ALKBH3: variants seen among roughly 807,000 people sequenced by gnomAD.
ALKBH3 encodes the protein alkB homolog 3, alpha-ketoglutarate dependent dioxygenase, also known as alpha-ketoglutarate-dependent dioxygenase alkB homolog 3.
In ALKBH3, 51 loss-of-function variants were observed where a neutral mutation model predicts 43.9. The ratio of observed to expected loss-of-function variants is 1.16; its 90% CI spans 0.93 to 1.47. The LOEUF (loss-of-function observed/expected upper bound fraction) is 1.47, where lower values mean the gene tolerates loss of function less well. Among genes scored for constraint, ALKBH3 ranks in the 40% most tolerant of loss-of-function variants. The pLI is 0.00. For missense variants in ALKBH3, 361 were observed against 351.9 expected (o/e 1.03, Z -0.21); for synonymous variants, 102 against 115.2 (o/e 0.89, Z 0.73).
chr11:43,884,549 A>G (rs1951734924), intron 4 of ALKBH3, among the ~76,000 whole-genome samples: 1 of 152,130 alleles, frequency 6.6e-6, no homozygotes, highest in Non-Finnish European at 1.5e-5. Context: ...TTGGTGAGAG[A>G]TGCTTTGACT....
intron 4 of ALKBH3, among the ~76,000 whole-genome samples, chr11:43,885,213 C>T (rs1448562668): frequency 6.6e-6 from 1 of 152,120 alleles, no homozygotes; most frequent in African/African-American, 2.4e-5. Context: ...CTACTTGGTC[C>T]TAGAATCTGT....
chr11:43,889,570 G>T (rs1048449149), intron 5 of ALKBH3, among the ~76,000 whole-genome samples, 155 bp from the exon 6 acceptor site: 3 of 152,170 alleles, frequency 2.0e-5, no homozygotes, highest in Non-Finnish European at 4.4e-5. Context: ...CTCATGACCT[G>T]GGTGATGTTA....
chr11:43,887,998 C>T (rs981733504), intron 5 of ALKBH3, among the ~76,000 whole-genome samples: 2 of 151,686 alleles, frequency 1.3e-5, no homozygotes, highest in South Asian at 2.1e-4. Flanking sequence ...GAGGTTTCAC[C>T]GTGTTATTCA....
Position 43,920,049 on chromosome 11 carries a change from C to A in ALKBH3, c.*39C>A. ...AGAGAGAAGCTTCACTGAAACGGAG[C>A]AAACCTTCCACTGAGAAGCCACTTC... is the stretch of plus-strand genomic sequence containing the variant. On this transcript the variant is annotated 3_prime_UTR_variant, in exon 10 of 10. Coordinates refer to ENST00000302708, the MANE Select transcript of ALKBH3 (RefSeq NM_139178.4). The A allele has an allele frequency of 6.4e-7, 1 of 1,565,362 alleles. No individual in the cohort carries two copies. Among genetic ancestry groups the A allele is most frequent in the Non-Finnish European group, 8.8e-7 (1 of 1,137,046 alleles).
At chr11:43,904,743 T>G (rs1248341772) in intron 8 of ALKBH3, among the ~76,000 whole-genome samples, 2 of 152,204 alleles carry the variant, frequency 1.3e-5, no homozygotes, top group African/African-American at 4.8e-5. Context: ...TTATTGCACA[T>G]TTTTGTCTAC....
At chr11:43,892,463 T>C (rs1376127976) in intron 7 of ALKBH3, among the ~76,000 whole-genome samples, 3 of 152,244 alleles carry the variant, frequency 2.0e-5, no homozygotes, top group Admixed American at 2.0e-4. Flanking sequence ...TCCTTATGAC[T>C]GACGAGTGAG....
rs762274113 is a variant in ALKBH3, at chr11:43,882,628, C to T, written c.-25C>T. 12 of 1,601,910 alleles carry T rather than the reference C, an allele frequency of 7.5e-6. No individual in the cohort carries two copies. The highest frequency in any genetic ancestry group is 1.7e-4 in the Middle Eastern group (1 of 6,010). ...ACAGGAACAAAATCTTCTGAAAGCT[C>T]GGAGCAGAAGCCTTTTTGGTCAACA... On this transcript the variant is annotated 5_prime_UTR_variant, in exon 2 of 10. Transcript: ENST00000302708.
chr11:43,914,060 G>C (rs1336662841), intron 8 of ALKBH3, among the ~76,000 whole-genome samples: 1 of 152,144 alleles, frequency 6.6e-6, no homozygotes, highest in Non-Finnish European at 1.5e-5. Context: ...GCTGCACCCA[G>C]CCCACACCTC....
intron 8 of ALKBH3, 62 bp downstream of exon 8, chr11:43,901,787 C>T: frequency 1.9e-6 from 3 of 1,546,852 alleles, no homozygotes; most frequent in Non-Finnish European, 2.7e-6. Context: ...AAAAGTAGAA[C>T]TCCTAAAAGC....
intron 7 of ALKBH3, chr11:43,899,048 G>T: frequency 1.3e-6 from 1 of 749,316 alleles, no homozygotes; most frequent in Non-Finnish European, 2.5e-6. Flanking sequence ...TTCTCATTCA[G>T]ATTGTGGATG....
chr11:43,914,777 A>G (rs1951969430), intron 8 of ALKBH3, among the ~76,000 whole-genome samples: 1 of 152,224 alleles, frequency 6.6e-6, no homozygotes. Context: ...TATGACAAAC[A>G]AATGCCTTAA....
intron 7 of ALKBH3, 36 bp from the exon 8 acceptor site, chr11:43,901,480 G>T: frequency 1.9e-6 from 3 of 1,607,516 alleles, no homozygotes; most frequent in South Asian, 1.1e-5. Context: ...TGTGTAATGC[G>T]ACTGTCTTGC....
rs1951957856 is a variant in ALKBH3, at chr11:43,913,476, C to T, written c.670-5562C>T. On this transcript the variant is annotated intron_variant, in intron 8 of 9. Transcript: ENST00000302708. ...TCAAATAATAAATTAAACAAATCCA[C>T]TATAATTTAAAACTCTGTCCATTGC... 2.0e-5 allele frequency among the ~76,000 whole-genome samples: 3 copies of T among 152,304 alleles called. No individual in the cohort carries two copies. In the South Asian group the frequency reaches 6.2e-4, roughly 32 times the overall value.
At chr11:43,881,730 G>A (rs1410245825) in intron 1 of ALKBH3, among the ~76,000 whole-genome samples, 1 of 152,200 alleles carries the variant, frequency 6.6e-6, no homozygotes, top group Non-Finnish European at 1.5e-5. Flanking sequence ...GGAATCTATA[G>A]TCTAAGCAAG....
intron 6 of ALKBH3, among the ~76,000 whole-genome samples, 155 bp from the exon 7 acceptor site, chr11:43,891,886 C>G (rs1366594680): frequency 6.6e-6 from 1 of 152,204 alleles, no homozygotes; most frequent in African/African-American, 2.4e-5. Context: ...TTGCAAAGTC[C>G]CATATCTTCT....
chr11:43,895,076 T>A (rs971829399), intron 7 of ALKBH3, among the ~76,000 whole-genome samples: 2 of 152,222 alleles, frequency 1.3e-5, no homozygotes, highest in Non-Finnish European at 2.9e-5. Context: ...GGTTTTCACA[T>A]CAGAGTAAAG....
At chr11:43,900,215 ATTTTTTTTTT>A (rs34274072) in intron 7 of ALKBH3, among the ~76,000 whole-genome samples, 6 of 87,154 alleles carry the variant, frequency 6.9e-5, no homozygotes, top group African/African-American at 8.9e-5. Context: ...TTTTAATTTA[ATTTTTTTTTT>A]TTTTTTTTTT....
At chr11:43,911,185 C>T (rs1951935974) in intron 8 of ALKBH3, among the ~76,000 whole-genome samples, 1 of 152,204 alleles carries the variant, frequency 6.6e-6, no homozygotes, top group Non-Finnish European at 1.5e-5. Flanking sequence ...TGGTTGTAGT[C>T]ATCGCAGTGG....
chr11:43,882,733 C>T lies in ALKBH3; in HGVS notation c.79+2C>T. On this transcript the variant is annotated splice_donor_variant, in intron 2 of 9. Coordinates refer to ENST00000302708, the MANE Select transcript of ALKBH3 (RefSeq NM_139178.4). LOFTEE classifies it low-confidence loss of function (GC_TO_GT_DONOR). The stretch of plus-strand genomic sequence containing the variant: ...AAAGCCAGGCCATTGCTCAGCCAGG[C>T]AAGAATCTGTAGGGATTTTGTGTGT... The T allele has an allele frequency of 1.2e-6, 2 of 1,610,588 alleles. No homozygotes were observed. The highest frequency in any genetic ancestry group is 1.7e-5 in the Admixed American group (1 of 59,002).
Sources: gnomAD v4.1 joint callset for allele counts (sites outside exome capture counted in the v4.1 genomes callset) on GRCh38, gnomAD v4.1.1 for gene constraint, MANE v1.5 for transcripts, NCBI Gene and HGNC (gene_info 2026-07-23, HGNC 2026-07-21) for gene names.